The following HIVEP2 variants were observed in gnomAD, a reference collection of about 807,000 sequenced individuals.
HIVEP2 encodes transcription factor HIVEP2.
In HIVEP2, 14 loss-of-function variants were observed where a neutral mutation model predicts 180.7. The ratio of observed to expected loss-of-function variants is 0.08; its 90% confidence interval spans 0.05 to 0.12. The LOEUF is 0.12. HIVEP2 is among the 10% of genes least tolerant of loss of function. The pLI, the probability that HIVEP2 is intolerant of heterozygous loss-of-function variation, is 1.00. For missense variants in HIVEP2, 2,579 were observed against 3,008.5 expected (o/e 0.86, Z 3.34); for synonymous variants, 1,184 against 1,136.4 (o/e 1.04, Z -0.84).
chr6:142,754,780 G>T (rs971738016), intron 9 of HIVEP2, among the ~76,000 whole-genome samples: 3 of 152,078 alleles, frequency 2.0e-5, no homozygotes, highest in African/African-American at 7.2e-5. Flanking sequence ...GGCAATCAAT[G>T]AATTAAGGAT....
At chr6:142,867,603 A>G (rs1776172868) in intron 1 of HIVEP2, among the ~76,000 whole-genome samples, 1 of 152,174 alleles carries the variant, frequency 6.6e-6, no homozygotes, top group Non-Finnish European at 1.5e-5. Context: ...CTTGTTTAAG[A>G]AAGTGACATA....
intron 3 of HIVEP2, 55 bp from the exon 4 acceptor site, chr6:142,776,246 G>T (rs1372141643): frequency 6.6e-6 from 1 of 152,400 alleles, no homozygotes; most frequent in African/African-American, 2.4e-5. Context: ...CCTTACCATC[G>T]ATATATACAA....
At chr6:142,847,821 C>G (rs1289008931) in intron 1 of HIVEP2, among the ~76,000 whole-genome samples, 2 of 151,940 alleles carry the variant, frequency 1.3e-5, no homozygotes, top group African/African-American at 2.4e-5. Context: ...ATGAAGTCTA[C>G]TAATATTAAA....
At position 142,879,991 on chromosome 6, in the gene HIVEP2, C is replaced by T. The variant is rs182912128; in HGVS notation, c.-640-42944G>A. On this transcript the variant is annotated intron_variant, in intron 1 of 9. Coordinates refer to ENST00000367603, the MANE Select transcript of HIVEP2 (RefSeq NM_006734.4). ...GCATAGAACCTGGCATATAGAATAC[C>T]CTCAATTGAACACCAATTTCAGTGA... Among the ~76,000 whole-genome samples, 285 of 152,122 alleles carry T rather than the reference C, an allele frequency of 1.9e-3. 1 individual carries two copies. Among genetic ancestry groups the T allele is most frequent in the Non-Finnish European group, 3.0e-3 (201 of 67,998 alleles).
intron 1 of HIVEP2, among the ~76,000 whole-genome samples, chr6:142,864,272 C>T (rs919630906): frequency 3.3e-5 from 5 of 152,112 alleles, no homozygotes; most frequent in Non-Finnish European, 5.9e-5. Flanking sequence ...AGGAGTGTCA[C>T]CTGGAGCCTG....
At chr6:142,826,254 C>G (rs974882129) in intron 2 of HIVEP2, among the ~76,000 whole-genome samples, 3 of 152,148 alleles carry the variant, frequency 2.0e-5, no homozygotes, top group Non-Finnish European at 4.4e-5. Flanking sequence ...AAACTTACAT[C>G]AAGACTCTTA....
At position 142,817,090 on chromosome 6, in the gene HIVEP2, C is replaced by T. The variant is rs576641682; in HGVS notation, c.-528+19845G>A. Among the ~76,000 whole-genome samples, 21 of 152,264 alleles carry T rather than the reference C, an allele frequency of 1.4e-4. No individual in the cohort carries two copies. The East Asian group carries it at 3.1e-3, about 22-fold the overall frequency. On this transcript the variant is annotated intron_variant, in intron 2 of 9. Transcript: ENST00000367603. ...CAGATAGGTATGTTCTTCAAGCTATCCTTTGATCCTGGATTCTAAAGACTA... is the reference window on the plus strand; with the variant it reads ...CAGATAGGTATGTTCTTCAAGCTATTCTTTGATCCTGGATTCTAAAGACTA...
intron 1 of HIVEP2, among the ~76,000 whole-genome samples, chr6:142,895,388 G>A (rs1315158453): frequency 6.6e-6 from 1 of 151,824 alleles, no homozygotes; most frequent in Non-Finnish European, 1.5e-5. Flanking sequence ...AAATGATGTA[G>A]GATGGTATGT....
chr6:142,884,000 TA>T (rs1357172404), intron 1 of HIVEP2, among the ~76,000 whole-genome samples: 1 of 152,208 alleles, frequency 6.6e-6, no homozygotes, highest in African/African-American at 2.4e-5. Flanking sequence ...TTTAAATGTC[TA>T]AAATTGAAAT....
At chr6:142,898,105 C>A in intron 1 of HIVEP2, among the ~76,000 whole-genome samples, 1 of 152,136 alleles carries the variant, frequency 6.6e-6, no homozygotes, top group East Asian at 1.9e-4. Flanking sequence ...TTGATCTCTG[C>A]CTATAGACAC....
intron 2 of HIVEP2, among the ~76,000 whole-genome samples, chr6:142,801,853 A>G (rs1294137797): frequency 1.3e-5 from 2 of 152,188 alleles, no homozygotes; most frequent in Non-Finnish European, 2.9e-5. Flanking sequence ...TCATGACTTA[A>G]GTTCCAACAT....
intron 2 of HIVEP2, among the ~76,000 whole-genome samples, chr6:142,792,465 C>A (rs1776161487): frequency 6.6e-6 from 1 of 152,020 alleles, no homozygotes; most frequent in South Asian, 2.1e-4. Flanking sequence ...AACAGGGGAA[C>A]AGAAAAACAC....
intron 6 of HIVEP2, among the ~76,000 whole-genome samples, chr6:142,765,866 G>T (rs197457): frequency 0.88 from 134,198 of 152,204 alleles, 59,733 homozygotes; most frequent in African/African-American, 0.96. Context: ...TATAGTAGTA[G>T]TATACGGACT....
intron 1 of HIVEP2, among the ~76,000 whole-genome samples, chr6:142,867,749 C>G (rs755835023): frequency 2.0e-5 from 3 of 152,130 alleles, no homozygotes; most frequent in Non-Finnish European, 4.4e-5. Context: ...AACATGTGGA[C>G]AAATATATGC....
At chr6:142,830,201 G>T (rs1272204071) in intron 2 of HIVEP2, among the ~76,000 whole-genome samples, 6 of 151,630 alleles carry the variant, frequency 4.0e-5, no homozygotes, top group Admixed American at 3.9e-4. Context: ...TTTTTTTAAA[G>T]CTCAATTAAA....
At chr6:142,766,965 T>G (rs1290800677) in intron 6 of HIVEP2, among the ~76,000 whole-genome samples, 2 of 152,126 alleles carry the variant, frequency 1.3e-5, no homozygotes, top group Non-Finnish European at 2.9e-5. Flanking sequence ...TGGGCAGAAA[T>G]TGGGCCACAG....
chr6:142,849,491 C>T lies in HIVEP2; in HGVS notation c.-640-12444G>A, dbSNP rs558013613. ...TATTGAAGACTATTAGCATCATTAG[C>T]AGCTAGAGTGATTCTTTATTTATTT... On this transcript the variant is annotated intron_variant, in intron 1 of 9. Coordinates refer to ENST00000367603, the MANE Select transcript of HIVEP2 (RefSeq NM_006734.4). Among the ~76,000 whole-genome samples the T allele has an allele frequency of 2.6e-5, 4 of 151,874 alleles. No homozygotes were observed. In the South Asian group the frequency reaches 8.3e-4, roughly 32 times the overall value.
At chr6:142,843,930 C>T (rs904933740) in intron 1 of HIVEP2, among the ~76,000 whole-genome samples, 15 of 152,150 alleles carry the variant, frequency 9.9e-5, no homozygotes, top group African/African-American at 3.1e-4. Flanking sequence ...AGAATCATAA[C>T]TTTTCACTAC....
intron 1 of HIVEP2, among the ~76,000 whole-genome samples, chr6:142,911,003 G>C (rs1255445214): frequency 1.3e-5 from 2 of 152,072 alleles, no homozygotes; most frequent in East Asian, 3.8e-4. Context: ...CTACCAGTCT[G>C]CAAAATTTAA....
Sources: gnomAD v4.1 joint callset for allele counts (sites outside exome capture counted in the v4.1 genomes callset) on GRCh38, gnomAD v4.1.1 for gene constraint, MANE v1.5 for transcripts, NCBI Gene and HGNC (gene_info 2026-07-23, HGNC 2026-07-21) for gene names.